Variants in RIC3 observed in about 807,000 individuals in gnomAD.
RIC3 encodes RIC3 acetylcholine receptor chaperone.
A neutral mutation model predicts 27.3 loss-of-function variants in RIC3; 28 were observed. The observed-to-expected ratio is 1.02, with a 90% CI of 0.76 to 1.41. The LOEUF is 1.41. Among genes scored for constraint, RIC3 ranks in the 40% most tolerant of loss-of-function variants. The probability of loss-of-function intolerance (pLI) is 0.00; values close to 1 mark genes in which losing one functional copy is unlikely to be tolerated. For missense variants in RIC3, 501 were observed against 444.7 expected (o/e 1.13, Z -1.14); for synonymous variants, 184 against 160.4 (o/e 1.15, Z -1.11).
chr11:8,098,691 C>T, the RIC3 span: 27 of 1,237,038 alleles, frequency 2.2e-5, no homozygotes, highest in Admixed American at 5.3e-5. Flanking sequence ...ATAGGACAGA[C>T]GATGAGCTGT....
At chr11:8,105,636 G>C (rs1402202580), downstream of RIC3, 1 of 152,116 alleles carries the variant, frequency 6.6e-6, no homozygotes, top group African/African-American at 2.4e-5. Context: ...ATGTTACATT[G>C]TCAAAGCTTG....
intron 1 of RIC3, among the ~76,000 whole-genome samples, chr11:8,149,726 C>A (rs1340062590): frequency 2.6e-5 from 4 of 152,198 alleles, no homozygotes; most frequent in Non-Finnish European, 5.9e-5. Context: ...ACCTTGAAAA[C>A]TAAATTCTTG....
chr11:8,168,114 C>T (rs963835599), intron 1 of RIC3, among the ~76,000 whole-genome samples: 3 of 152,212 alleles, frequency 2.0e-5, no homozygotes, highest in African/African-American at 7.2e-5. Flanking sequence ...ACCAGTAGAA[C>T]TTCATGACCT....
At chr11:8,114,355 C>A (rs1433648836) in intron 5 of RIC3, among the ~76,000 whole-genome samples, 1 of 152,042 alleles carries the variant, frequency 6.6e-6, no homozygotes, top group Admixed American at 6.6e-5. Flanking sequence ...TGTAATCTCA[C>A]ACACTTTAGG....
chr11:8,151,543 G>A (rs1263085955), intron 1 of RIC3, among the ~76,000 whole-genome samples: 28 of 126,694 alleles, frequency 2.2e-4, no homozygotes, highest in Middle Eastern at 4.2e-3. Context: ...TCGAGATCGC[G>A]CCACTGCACT....
chr11:8,156,863 T>C (rs1266441224), intron 1 of RIC3, among the ~76,000 whole-genome samples: 1 of 152,200 alleles, frequency 6.6e-6, no homozygotes. Flanking sequence ...GTTTTATTAA[T>C]GTGTCTTATA....
At chr11:8,124,246 C>T (rs948179132) in intron 5 of RIC3, among the ~76,000 whole-genome samples, 2 of 151,984 alleles carry the variant, frequency 1.3e-5, no homozygotes, top group African/African-American at 4.8e-5. Context: ...AGGAACACAT[C>T]CCAATGCATT....
chr11:8,093,021 G>T, the RIC3 span, among the ~76,000 whole-genome samples: 1 of 152,092 alleles, frequency 6.6e-6, no homozygotes, highest in African/African-American at 2.4e-5. Flanking sequence ...GAGGCTGTAG[G>T]TCCCAAGTGA....
At chr11:8,132,177 G>C (rs1225040892) in intron 4 of RIC3, among the ~76,000 whole-genome samples, 5 of 152,098 alleles carry the variant, frequency 3.3e-5, no homozygotes, top group South Asian at 2.1e-4. Context: ...AACTTGGCAT[G>C]CTATTCCAGA....
At chr11:8,150,292 T>C (rs1461929435) in intron 1 of RIC3, among the ~76,000 whole-genome samples, 1 of 152,226 alleles carries the variant, frequency 6.6e-6, no homozygotes, top group Non-Finnish European at 1.5e-5. Flanking sequence ...TTATAAATCA[T>C]ATTTTTTAAG....
In RIC3 at chr11:8,107,138, TAGAAA is replaced by T. The variant is rs1321471015; in HGVS notation, c.*3555_*3559del. The T allele has an allele frequency of 6.6e-6, 1 of 152,256 alleles. No individual in the cohort carries two copies. Among genetic ancestry groups the T allele is most frequent in the Non-Finnish European group, 1.5e-5 (1 of 68,040 alleles). The allele number at this position is 152,256 out of a possible 1,614,324, so 9.4% of individuals were successfully genotyped here. A position where few individuals can be genotyped will look rare whatever the true frequency, so the allele number is the denominator to read the frequency against. On this transcript the variant is annotated 3_prime_UTR_variant, in exon 6 of 6. Coordinates refer to ENST00000309737, the MANE Select transcript of RIC3 (RefSeq NM_001206671.4). ...AAATAAAGGAAAAGGAAGCACATTT[TAGAAA>T]AGTCAATGGTCAAGGCAAAGTCATA...
chr11:8,100,844 G>C, the RIC3 span: 1 of 1,614,056 alleles, frequency 6.2e-7, no homozygotes, highest in Admixed American at 1.7e-5. Flanking sequence ...GACACTGCTA[G>C]CACGCTGGCA....
intron 5 of RIC3, among the ~76,000 whole-genome samples, chr11:8,113,820 CA>C (rs1945532795): frequency 6.6e-6 from 1 of 152,218 alleles, no homozygotes; most frequent in Non-Finnish European, 1.5e-5. Context: ...CCATCAGACT[CA>C]GCCTCCAGGC....
intron 5 of RIC3, among the ~76,000 whole-genome samples, chr11:8,119,440 G>A (rs960887172): frequency 2.6e-5 from 4 of 152,136 alleles, no homozygotes; most frequent in African/African-American, 7.2e-5. Context: ...AACAAGAAAC[G>A]GGGAAAGCAT....
chr11:8,099,269 A>G, the RIC3 span, among the ~76,000 whole-genome samples: 2 of 152,260 alleles, frequency 1.3e-5, no homozygotes, highest in African/African-American at 4.8e-5. Flanking sequence ...TAAGAGGTAG[A>G]TCCTATTTTC....
chr11:8,126,955 C>G, intron 4 of RIC3, 148 bp from the exon 5 acceptor site: 1 of 883,630 alleles, frequency 1.1e-6, no homozygotes, highest in Non-Finnish European at 1.8e-6. Context: ...AACTGCATAG[C>G]TGGGAACTAG....
At chr11:8,101,891 A>G, downstream of RIC3, 1 of 480,328 alleles carries the variant, frequency 2.1e-6, no homozygotes. Flanking sequence ...CCCTTGGGGT[A>G]GTAGTGTGTT....
intron 4 of RIC3, among the ~76,000 whole-genome samples, chr11:8,129,099 G>C (rs891227313): frequency 2.0e-5 from 3 of 151,544 alleles, no homozygotes; most frequent in African/African-American, 7.3e-5. Context: ...TAAGTCCAAG[G>C]GTCTTTTTCT....
intron 4 of RIC3, among the ~76,000 whole-genome samples, chr11:8,129,896 T>C (rs1341388910): frequency 6.6e-6 from 1 of 152,222 alleles, no homozygotes; most frequent in Non-Finnish European, 1.5e-5. Flanking sequence ...CCAAATTTCC[T>C]ATTGCTGTTT....
Sources: gnomAD v4.1 joint callset for allele counts (sites outside exome capture counted in the v4.1 genomes callset) on GRCh38, gnomAD v4.1.1 for gene constraint, MANE v1.5 for transcripts, NCBI Gene and HGNC (gene_info 2026-07-23, HGNC 2026-07-21) for gene names.